The following SNX20 variants were observed in gnomAD, a reference collection of about 807,000 sequenced individuals.
SNX20 encodes the protein sorting nexin-20.
In SNX20, 21 loss-of-function variants were observed where a neutral mutation model predicts 24.5. The ratio of observed to expected loss-of-function variants is 0.86; its 90% CI spans 0.61 to 1.23. SNX20 has a LOEUF of 1.23. Ranked by LOEUF, SNX20 falls within the 50% of genes most tolerant of loss-of-function variation. The probability of loss-of-function intolerance (pLI) is 0.00; values close to 1 mark genes in which losing one functional copy is unlikely to be tolerated. For missense variants in SNX20, 433 were observed against 430.8 expected (o/e 1.00, Z -0.04); for synonymous variants, 206 against 192.8 (o/e 1.07, Z -0.57).
At chr16:50,669,120 G>C (rs980468427), downstream of SNX20, 1 of 1,471,784 alleles carries the variant, frequency 6.8e-7, no homozygotes, top group African/African-American at 1.4e-5. Flanking sequence ...CCCTGGATAA[G>C]TCATCTCTCC....
In SNX20 at chr16:50,671,872, G is replaced by T. The variant is rs1435616600; in HGVS notation, c.*1534C>A. ...GTGTCGCTGTTGAACAGATTCTGGT[G>T]CAGTCTAGTGCATAGCTGTCCACTT... On this transcript the variant is annotated 3_prime_UTR_variant, in exon 4 of 4. Transcript: ENST00000330943. 6.6e-6 allele frequency: 1 copy of T among 152,224 alleles called. No homozygotes were observed. The highest frequency in any genetic ancestry group is 1.5e-5 in the Non-Finnish European group (1 of 68,048). The allele number at this position is 152,224 out of a possible 1,614,324, so 9.4% of individuals were successfully genotyped here. A position where few individuals can be genotyped will look rare whatever the true frequency, so the allele number is the denominator to read the frequency against.
Position 50,673,776 on chromosome 16 carries a change from C to A in SNX20, c.581G>T (p.Gly194Val). 6.5e-7 allele frequency: 1 copy of A among 1,544,106 alleles called. No homozygotes were observed. ...LTRPELREAF[G>V]CLRAGQYPRA... is the part of the protein sequence containing the mutation. Reference sequence around the variant, plus strand: ...CGGGTACTGGCCGGCCCGCAGGCAGCCGAAAGCCTCGCGCAGCTCCGGCCG... The same window carrying A: ...CGGGTACTGGCCGGCCCGCAGGCAGACGAAAGCCTCGCGCAGCTCCGGCCG... The change falls in exon 4 of 4, where the codon GGC (glycine) becomes GTC (valine). Residue 194 changes from glycine to valine, a missense_variant. Coordinates refer to ENST00000330943, the MANE Select transcript of SNX20 (RefSeq NM_182854.4). This position sits in a 1 kb window ranked among gnomAD's most constrained non-coding sequence, Gnocchi z 4.1.
At chr16:50,680,559 T>C (rs1292694298) in intron 1 of SNX20, among the ~76,000 whole-genome samples, 1 of 152,164 alleles carries the variant, frequency 6.6e-6, no homozygotes. Flanking sequence ...ACTATCTTTC[T>C]GAGGGCCTGC....
chr16:50,674,773 A>G (rs1374534793), intron 3 of SNX20, among the ~76,000 whole-genome samples: 2 of 152,226 alleles, frequency 1.3e-5, no homozygotes, highest in South Asian at 2.1e-4. Context: ...ACAATATAAC[A>G]TCATTTAGGT....
chr16:50,674,140 C>T, intron 3 of SNX20, 66 bp from the exon 4 acceptor site: 3 of 1,513,238 alleles, frequency 2.0e-6, no homozygotes, highest in Non-Finnish European at 2.6e-6. Flanking sequence ...GGAGCACACC[C>T]AGAGTAAAGT....
Position 50,673,377 on chromosome 16 carries a change from C to T in SNX20, c.*29G>A. ...TGTGAGCCATGGTGACCCCAAATCT[C>T]CAGCGTCCCTGCGGGGTCCCAGGCC... On this transcript the variant is annotated 3_prime_UTR_variant, in exon 4 of 4. Coordinates refer to ENST00000330943, the MANE Select transcript of SNX20 (RefSeq NM_182854.4). This position sits in a 1 kb window ranked among gnomAD's most constrained non-coding sequence, Gnocchi z 4.1. The T allele has an allele frequency of 6.9e-7, 1 of 1,443,712 alleles. No homozygotes were observed. Among genetic ancestry groups the T allele is most frequent in the Non-Finnish European group, 9.1e-7 (1 of 1,093,264 alleles). The allele number at this position is 1,443,712 out of a possible 1,614,324, so 89.4% of individuals were successfully genotyped here.
downstream of SNX20, chr16:50,668,107 G>C (rs1962957424): frequency 1.3e-6 from 2 of 1,551,410 alleles, no homozygotes; most frequent in Admixed American, 3.9e-5. Flanking sequence ...AGGAGCTGGA[G>C]AGCACACAGG....
intron 3 of SNX20, among the ~76,000 whole-genome samples, chr16:50,674,756 T>C (rs1360463580): frequency 6.6e-6 from 1 of 152,200 alleles, no homozygotes; most frequent in Admixed American, 6.5e-5. Context: ...GGGAATTAGT[T>C]TTACGTACAA....
intron 1 of SNX20, among the ~76,000 whole-genome samples, chr16:50,678,514 T>G (rs1014639801): frequency 6.6e-6 from 1 of 152,196 alleles, no homozygotes; most frequent in Non-Finnish European, 1.5e-5. Context: ...CAGCACACAC[T>G]CTTGCACTAA....
chr16:50,669,054 C>G (rs369390075), downstream of SNX20: 6 of 1,551,784 alleles, frequency 3.9e-6, no homozygotes, highest in Non-Finnish European at 5.2e-6. Context: ...GAGCATGTCA[C>G]TTTGACGTGG....
At chr16:50,678,646 G>T (rs1963234328) in intron 1 of SNX20, among the ~76,000 whole-genome samples, 4 of 152,224 alleles carry the variant, frequency 2.6e-5, no homozygotes, top group Admixed American at 2.6e-4. Flanking sequence ...CCCAGGCTGG[G>T]CTGACTTCAG....
intron 2 of SNX20, among the ~76,000 whole-genome samples, chr16:50,676,148 A>T (rs753897689): frequency 3.3e-5 from 5 of 151,900 alleles, no homozygotes; most frequent in Non-Finnish European, 7.4e-5. Flanking sequence ...CAAATAGCCC[A>T]TCACCCCCAA....
At chr16:50,668,839 A>T, downstream of SNX20, 1 of 1,325,862 alleles carries the variant, frequency 7.5e-7, no homozygotes. Flanking sequence ...GACAGCCACT[A>T]GAGAGCAGAG....
In SNX20 at chr16:50,675,441, ATAAG is replaced by A. The variant is rs373475765; in HGVS notation, c.282+325_282+328del. On this transcript the variant is annotated intron_variant, in intron 3 of 3. Coordinates refer to ENST00000330943, the MANE Select transcript of SNX20 (RefSeq NM_182854.4). ...AAAGTGATCCAATTTAAAGAAAAAA[ATAAG>A]TAATAATAATTAGAACAGATACAGT... Among the ~76,000 whole-genome samples, 28 of 152,374 alleles carry A rather than the reference ATAAG, an allele frequency of 1.8e-4. No homozygotes were observed. The East Asian group carries it at 2.9e-3, about 16-fold the overall frequency.
At chr16:50,669,250 G>C (rs113087524), downstream of SNX20, 45 of 683,140 alleles carry the variant, frequency 6.6e-5, 2 homozygotes, top group African/African-American at 4.1e-4. Context: ...AAGAAAAGAG[G>C]GTTATTTGGC....
downstream of SNX20, chr16:50,667,939 G>C (rs565948215): frequency 1.4e-6 from 2 of 1,398,614 alleles, no homozygotes; most frequent in Admixed American, 2.0e-5. Flanking sequence ...GGGTAGGGGG[G>C]GACCCACTCA....
At chr16:50,676,228 T>C (rs1963179834) in intron 2 of SNX20, among the ~76,000 whole-genome samples, 1 of 151,792 alleles carries the variant, frequency 6.6e-6, no homozygotes, top group Non-Finnish European at 1.5e-5. Context: ...AGATTGGCCA[T>C]GGTGAAATCC....
chr16:50,669,876 A>G (rs1324435978), downstream of SNX20: 1 of 152,222 alleles, frequency 6.6e-6, no homozygotes, highest in South Asian at 2.1e-4. Context: ...GTGCCTGGTC[A>G]CACAGTAGGC....
At position 50,673,986 on chromosome 16, in the gene SNX20, T is replaced by C. The variant is rs776524752; in HGVS notation, c.371A>G (p.Gln124Arg). ...ERRYSDFAKL[Q>R]KALLKTFREE... ...CCTGAACGTCTTCAGCAGCGCTTTC[T>C]GGAGCTTCGCGAAGTCGGAATAGCG... The change falls in exon 4 of 4, where the codon CAG (glutamine) becomes CGG (arginine). Residue 124 changes from glutamine to arginine, a missense_variant. Coordinates refer to ENST00000330943, the MANE Select transcript of SNX20 (RefSeq NM_182854.4). The surrounding 1 kb of genome is among the most constrained non-coding windows in gnomAD (Gnocchi z 4.1). 1.2e-6 allele frequency: 2 copies of C among 1,613,052 alleles called. No homozygotes were observed. The highest frequency in any genetic ancestry group is 8.5e-7 in the Non-Finnish European group (1 of 1,179,608).
Sources: gnomAD v4.1 joint callset for allele counts (sites outside exome capture counted in the v4.1 genomes callset) on GRCh38, gnomAD v4.1.1 for gene constraint, Gnocchi (gnomAD v3.1) non-coding constraint, MANE v1.5 for transcripts, NCBI Gene and HGNC (gene_info 2026-07-23, HGNC 2026-07-21) for gene names.